FERMT2: variants seen among roughly 807,000 people sequenced by gnomAD.
The protein encoded by FERMT2 is fermitin family homolog 2.
Under a neutral mutation model 82.7 loss-of-function variants are expected in FERMT2, and 15 were observed. The observed-to-expected ratio is 0.18, with a 90% CI of 0.12 to 0.28. The LOEUF (loss-of-function observed/expected upper bound fraction) is 0.28, where lower values mean the gene tolerates loss of function less well. FERMT2 is among the 10% of genes least tolerant of loss of function. The pLI is 1.00. For missense variants in FERMT2, 645 were observed against 809.4 expected (o/e 0.80, Z 2.46); for synonymous variants, 274 against 271.5 (o/e 1.01, Z -0.09).
At chr14:52,894,734 C>T (rs538418504) in intron 3 of FERMT2, among the ~76,000 whole-genome samples, 1 of 152,036 alleles carries the variant, frequency 6.6e-6, no homozygotes, top group East Asian at 1.9e-4. Flanking sequence ...ACCATTAACC[C>T]TTATAACAAT....
rs1885170787 is a variant in FERMT2 at position 52,864,805 on chromosome 14, A to G, written c.1322T>C (p.Ile441Thr). The G allele has an allele frequency of 6.2e-7, 1 of 1,612,160 alleles. No individual in the cohort carries two copies. The highest frequency in any genetic ancestry group is 8.5e-7 in the Non-Finnish European group (1 of 1,178,400). ...TTCTGCAACTGGAATCAGGAGTTTA[A>G]TGTTAAATTTTTGGCCTGAAATGTT... is the stretch of plus-strand genomic sequence containing the variant. ...DVNISGQKFN[I>T]KLLIPVAEGM... The change falls in exon 11 of 15, where the codon ATT (isoleucine) becomes ACT (threonine). Residue 441 changes from isoleucine to threonine, a missense_variant. Transcript: ENST00000341590.
At chr14:52,858,965 T>C (rs1484954146) in intron 14 of FERMT2, 5 of 162,958 alleles carry the variant, frequency 3.1e-5, no homozygotes, top group South Asian at 1.8e-4. Flanking sequence ...TTTGAAGTAA[T>C]AGGAATTGAT....
At chr14:52,876,172 T>G (rs1389119370) in intron 7 of FERMT2, among the ~76,000 whole-genome samples, 3 of 152,202 alleles carry the variant, frequency 2.0e-5, no homozygotes, top group Admixed American at 1.3e-4. Context: ...AATACATTCA[T>G]TTCATGGGAA....
At chr14:52,922,584 A>G (rs762647730) in intron 2 of FERMT2, among the ~76,000 whole-genome samples, 3 of 152,244 alleles carry the variant, frequency 2.0e-5, no homozygotes, top group African/African-American at 7.2e-5. Context: ...GCTAAAACAT[A>G]GAGGGCAAAG....
Position 52,872,789 on chromosome 14 carries a change from C to T in FERMT2, c.1273+10G>A, listed in dbSNP as rs2140092368. On this transcript the variant is annotated intron_variant, in intron 10 of 14. Coordinates refer to ENST00000341590, the MANE Select transcript of FERMT2 (RefSeq NM_006832.3). ...CACCATCAACAACAGCCGTGCCAGG[C>T]TCTCCTTACCCCTGAGGTTCATCTG... 6.2e-7 allele frequency: 1 copy of T among 1,613,418 alleles called. No homozygotes were observed. The highest frequency in any genetic ancestry group is 8.5e-7 in the Non-Finnish European group (1 of 1,179,762).
intron 3 of FERMT2, among the ~76,000 whole-genome samples, chr14:52,902,892 C>CAAAAAAAAAAAAAAAAAAAAA (rs1355070805): frequency 8.2e-5 from 3 of 36,756 alleles, no homozygotes; most frequent in Non-Finnish European, 1.0e-4. Flanking sequence ...AAAAAAAAAA[C>CAAAAAAAAAAAAAAAAAAAAA]CCCAAAACAC....
intron 2 of FERMT2, among the ~76,000 whole-genome samples, chr14:52,933,514 C>T (rs973787215): frequency 6.6e-6 from 1 of 151,652 alleles, no homozygotes; most frequent in African/African-American, 2.4e-5. Context: ...AGTTCGAGAC[C>T]AGCCTGACCA....
intron 2 of FERMT2, among the ~76,000 whole-genome samples, chr14:52,929,102 A>T (rs956926943): frequency 6.6e-6 from 1 of 152,090 alleles, no homozygotes; most frequent in Non-Finnish European, 1.5e-5. Flanking sequence ...CAGATAACTC[A>T]ATTTATCTAA....
chr14:52,888,336 A>T (rs1394584529), intron 4 of FERMT2, among the ~76,000 whole-genome samples: 3 of 152,208 alleles, frequency 2.0e-5, no homozygotes, highest in Non-Finnish European at 4.4e-5. Flanking sequence ...ACTATGTCTT[A>T]ATCAAGGCAG....
chr14:52,893,509 A>C, intron 3 of FERMT2, 82 bp from the exon 4 acceptor site: 1 of 1,092,894 alleles, frequency 9.2e-7, no homozygotes, highest in Non-Finnish European at 1.3e-6. Flanking sequence ...TTTCAAGATA[A>C]GAATGTGTAA....
intron 3 of FERMT2, among the ~76,000 whole-genome samples, chr14:52,908,894 G>C (rs1476520985): frequency 6.6e-6 from 1 of 152,098 alleles, no homozygotes; most frequent in Non-Finnish European, 1.5e-5. Context: ...CAGTTTGACT[G>C]ACTAGATACT....
intron 7 of FERMT2, among the ~76,000 whole-genome samples, chr14:52,876,172 T>A (rs1389119370): frequency 6.6e-6 from 1 of 152,202 alleles, no homozygotes; most frequent in South Asian, 2.1e-4. Context: ...AATACATTCA[T>A]TTCATGGGAA....
At chr14:52,858,741 C>T (rs1009091225) in intron 14 of FERMT2, 191 bp from the exon 15 acceptor site, 6 of 518,652 alleles carry the variant, frequency 1.2e-5, no homozygotes, top group Admixed American at 3.3e-5. Flanking sequence ...TTGCCCTTCC[C>T]CTACACTTTA....
intron 3 of FERMT2, among the ~76,000 whole-genome samples, chr14:52,903,872 G>A (rs1203004309): frequency 6.6e-6 from 1 of 152,052 alleles, no homozygotes; most frequent in East Asian, 1.9e-4. Flanking sequence ...GTACACCTTG[G>A]CCAAGAAAAT....
intron 8 of FERMT2, 43 bp from the exon 9 acceptor site, chr14:52,874,269 A>C: frequency 7.6e-7 from 1 of 1,312,624 alleles, no homozygotes; most frequent in Non-Finnish European, 1.1e-6. Flanking sequence ...TTAATATTTG[A>C]AATTCTTTCT....
intron 12 of FERMT2, chr14:52,861,076 A>T (rs193081218): frequency 2.1e-6 from 3 of 1,447,114 alleles, no homozygotes; most frequent in Non-Finnish European, 2.7e-6. Flanking sequence ...AAGCAGAAAG[A>T]AAAAAAAAGG....
At chr14:52,915,343 G>A (rs1258838153) in intron 3 of FERMT2, among the ~76,000 whole-genome samples, 1 of 152,146 alleles carries the variant, frequency 6.6e-6, no homozygotes, top group Non-Finnish European at 1.5e-5. Context: ...AAACAGCAAA[G>A]AAGAGGTACT....
chr14:52,883,757 T>C (rs1187668059), intron 4 of FERMT2, among the ~76,000 whole-genome samples: 1 of 152,216 alleles, frequency 6.6e-6, no homozygotes, highest in East Asian at 1.9e-4. Flanking sequence ...GGTGGAGTTC[T>C]CATAATGGTT....
At chr14:52,908,279 A>G (rs1191399132) in intron 3 of FERMT2, among the ~76,000 whole-genome samples, 1 of 152,344 alleles carries the variant, frequency 6.6e-6, no homozygotes, top group East Asian at 1.9e-4. Flanking sequence ...ACTATTTATT[A>G]CAAGCTGAAA....
Sources: gnomAD v4.1 joint callset for allele counts (sites outside exome capture counted in the v4.1 genomes callset) on GRCh38, gnomAD v4.1.1 for gene constraint, MANE v1.5 for transcripts, NCBI Gene and HGNC (gene_info 2026-07-23, HGNC 2026-07-21) for gene names.